NECTIN2: variants seen among roughly 807,000 people sequenced by gnomAD.
NECTIN2 encodes the protein nectin-2.
NECTIN2 carries 23 observed loss-of-function variants against 56.9 expected under a neutral mutation model. That is an observed-to-expected ratio of 0.40 (90% confidence interval 0.29 to 0.57). The LOEUF is 0.57. NECTIN2 is among the 20% of genes least tolerant of loss of function. NECTIN2 has a pLI of 0.38. For synonymous variants in NECTIN2, 302 were observed against 313.8 expected (o/e 0.96, Z 0.40); for missense variants, 587 against 718.3 (o/e 0.82, Z 2.09).
At chr19:44,879,632 C>A (rs1034251838) in intron 5 of NECTIN2, among the ~76,000 whole-genome samples, 1 of 152,060 alleles carries the variant, frequency 6.6e-6, no homozygotes, top group Admixed American at 6.5e-5. Flanking sequence ...AAAGCAAAGA[C>A]GGGGGGAGGG....
intron 8 of NECTIN2, 134 bp downstream of exon 8, chr19:44,886,353 G>A: frequency 1.5e-6 from 1 of 670,034 alleles, no homozygotes. Context: ...GGTGCTTAAT[G>A]CATTGAGATG....
At chr19:44,847,531 G>A (rs966829849) in intron 1 of NECTIN2, among the ~76,000 whole-genome samples, 1 of 152,084 alleles carries the variant, frequency 6.6e-6, no homozygotes, top group Non-Finnish European at 1.5e-5. Context: ...CCGTCTCTTG[G>A]GCTCCAGATA....
intron 1 of NECTIN2, among the ~76,000 whole-genome samples, chr19:44,860,869 G>A (rs1312417301): frequency 1.3e-5 from 2 of 151,760 alleles, no homozygotes; most frequent in African/African-American, 4.8e-5. Context: ...GGAATTACAG[G>A]TGTGAGCCAC....
intron 2 of NECTIN2, 147 bp from the exon 3 acceptor site, chr19:44,871,703 AACC>A (rs1969175817): frequency 2.4e-6 from 2 of 850,644 alleles, no homozygotes; most frequent in African/African-American, 3.4e-5. Flanking sequence ...AGAGTTGCAA[AACC>A]ACTTATCCCA....
Position 44,886,185 on chromosome 19 carries a change from C to A in NECTIN2, c.1313C>A (p.Pro438His). 1.2e-6 allele frequency: 2 copies of A among 1,612,788 alleles called. No homozygotes were observed. Among genetic ancestry groups the A allele is most frequent in the South Asian group, 2.2e-5 (2 of 91,016 alleles). ...TCGGAGCACAGCCCACTCAAGACCC[C>A]CTACTTTGATGCTGGCGCCTCATGC... ...GASEHSPLKTPYFDAGASCTE... is the reference protein window; with the variant it reads ...GASEHSPLKTHYFDAGASCTE... Residue 438 changes from proline to histidine, a missense_variant, in exon 8 of 9, where the codon CCC (proline) becomes CAC (histidine). Coordinates refer to ENST00000252483, the MANE Select transcript of NECTIN2 (RefSeq NM_001042724.2).
intron 2 of NECTIN2, among the ~76,000 whole-genome samples, chr19:44,870,682 C>T (rs543577976): frequency 1.3e-5 from 2 of 151,618 alleles, no homozygotes; most frequent in South Asian, 4.2e-4. Context: ...ACCTTTGAAC[C>T]ACAGTACTCA....
intron 1 of NECTIN2, among the ~76,000 whole-genome samples, chr19:44,857,668 C>G (rs931127539): frequency 6.6e-6 from 1 of 150,710 alleles, no homozygotes; most frequent in African/African-American, 2.4e-5. Context: ...TCCCAAAGTG[C>G]TGGGATTACA....
At chr19:44,885,324 T>TTTAA (rs1568600851) in intron 6 of NECTIN2, among the ~76,000 whole-genome samples, 36 of 130,840 alleles carry the variant, frequency 2.8e-4, no homozygotes, top group South Asian at 4.9e-4. Flanking sequence ...TTTTTTTTTT[T>TTTAA]TTTTTAATTT....
Position 44,882,281 on chromosome 19 carries a change from T to A in NECTIN2, c.1113T>A (p.Ala371=). 6.4e-7 allele frequency: 1 copy of A among 1,567,856 alleles called. No homozygotes were observed. The highest frequency in any genetic ancestry group is 8.6e-7 in the Non-Finnish European group (1 of 1,156,970). ...GGGGCATCATCGCCGCCATCATTGC[T>A]ACTGCTGTGGCTGCCACGGGCATCC... is the stretch of plus-strand genomic sequence containing the variant. ...IIGGIIAAII[A]TAVAATGILI... The change falls in exon 6 of 9, where the codon GCT becomes GCA. Residue 371 remains alanine (A), a synonymous_variant. Transcript: ENST00000252483.
rs1222550916 is a variant in NECTIN2 at position 44,888,060 on chromosome 19, T to C, written c.1348-50T>C. On this transcript the variant is annotated intron_variant, in intron 8 of 8. Transcript: ENST00000252483. ...GGGTCAAGAGCAGATTGGTAATCTG[T>C]GTCGTGCGTAGGAAGTGATCTTGAG... 1.9e-6 allele frequency: 3 copies of C among 1,573,710 alleles called. No individual in the cohort carries two copies. The Admixed American group carries it at 5.2e-5, about 27-fold the overall frequency.
intron 1 of NECTIN2, among the ~76,000 whole-genome samples, chr19:44,847,673 G>C (rs1427114819): frequency 6.6e-6 from 1 of 152,212 alleles, no homozygotes; most frequent in East Asian, 1.9e-4. Flanking sequence ...GGGCGACGGA[G>C]ACGTCGCCGG....
At chr19:44,880,400 G>A (rs919791114) in intron 5 of NECTIN2, among the ~76,000 whole-genome samples, 3 of 151,736 alleles carry the variant, frequency 2.0e-5, no homozygotes, top group East Asian at 1.9e-4. Context: ...AAATGGAAAC[G>A]GGAGGTGCTA....
chr19:44,867,013 CA>C lies in NECTIN2; in HGVS notation c.478+1361del, dbSNP rs903914131. 5.3e-4 allele frequency among the ~76,000 whole-genome samples: 80 copies of C among 150,790 alleles called. No individual in the cohort carries two copies. In the East Asian group the frequency reaches 0.01, roughly 19 times the overall value. The stretch of plus-strand genomic sequence containing the variant: ...CATAGTAAGACTCTTGTCTCAATGA[CA>C]AAAAAAATTTTTTTTTTTTTTGAGA... On this transcript the variant is annotated intron_variant, in intron 2 of 8. Transcript: ENST00000252483.
intron 5 of NECTIN2, chr19:44,878,308 TG>T (rs1464669912): frequency 1.4e-6 from 2 of 1,466,666 alleles, no homozygotes; most frequent in Non-Finnish European, 9.3e-7. Flanking sequence ...TGCTTCTGGC[TG>T]GGGGGTCCTT....
chr19:44,868,607 C>T (rs913987825), intron 2 of NECTIN2, among the ~76,000 whole-genome samples: 2 of 151,646 alleles, frequency 1.3e-5, no homozygotes, highest in Non-Finnish European at 2.9e-5. Context: ...CATCCAGCTA[C>T]GAATGCTCTT....
chr19:44,871,792 T>G, intron 2 of NECTIN2, 61 bp from the exon 3 acceptor site: 3 of 1,551,012 alleles, frequency 1.9e-6, no homozygotes, highest in Non-Finnish European at 2.6e-6. Flanking sequence ...GCTCCTCTGC[T>G]GAGTGTTTGT....
intron 1 of NECTIN2, among the ~76,000 whole-genome samples, chr19:44,852,568 A>G (rs180718140): frequency 1.8e-4 from 27 of 149,052 alleles, no homozygotes; most frequent in Admixed American, 1.5e-3. Flanking sequence ...TTGTTTCCTG[A>G]GGGCTCTGTG....
chr19:44,885,060 G>A (rs1969345044), intron 6 of NECTIN2, among the ~76,000 whole-genome samples: 1 of 151,218 alleles, frequency 6.6e-6, no homozygotes, highest in Non-Finnish European at 1.5e-5. Context: ...GCAATGGCGC[G>A]ATCTCGGCTC....
At chr19:44,855,424 C>CA (rs199593952) in intron 1 of NECTIN2, among the ~76,000 whole-genome samples, 2,454 of 145,172 alleles carry the variant, frequency 0.017, 64 homozygotes, top group African/African-American at 0.059. Flanking sequence ...GAATCTGTCT[C>CA]AAAAAAAAAA....
Sources: gnomAD v4.1 joint callset for allele counts (sites outside exome capture counted in the v4.1 genomes callset) on GRCh38, gnomAD v4.1.1 for gene constraint, MANE v1.5 for transcripts, NCBI Gene and HGNC (gene_info 2026-07-23, HGNC 2026-07-21) for gene names.